Variants in RPS7 observed in about 807,000 individuals in gnomAD.
The protein encoded by RPS7 is ribosomal protein S7.
In RPS7, 1 loss-of-function variant was observed where a neutral mutation model predicts 22.1. That is an observed-to-expected ratio of 0.05 (90% CI 0.02 to 0.21). The LOEUF (loss-of-function observed/expected upper bound fraction) is 0.21. Ranked by LOEUF, RPS7 falls within the 10% of genes least tolerant of loss-of-function variation. The pLI is 1.00. For missense variants in RPS7, 137 were observed against 246.4 expected (o/e 0.56, Z 2.97); for synonymous variants, 80 against 92.0 (o/e 0.87, Z 0.74).
At chr2:3,576,864 C>G in intron 4 of RPS7, 1 of 587,560 alleles carries the variant, frequency 1.7e-6, no homozygotes, top group South Asian at 1.9e-5. Flanking sequence ...AAGACCCTGT[C>G]TACAAAAAAT....
intron 3 of RPS7, 86 bp from the exon 4 acceptor site, chr2:3,576,401 T>G: frequency 8.7e-7 from 1 of 1,151,666 alleles, no homozygotes; most frequent in Non-Finnish European, 1.3e-6. Context: ...ACGGTGTTAG[T>G]GATAAGGTCT....
chr2:3,578,131 C>T (rs933371711), intron 5 of RPS7: 1 of 197,368 alleles, frequency 5.1e-6, no homozygotes, highest in Non-Finnish European at 1.0e-5. Flanking sequence ...TTTATTTTTG[C>T]TGTGGATTGG....
chr2:3,576,419 C>T (rs1661281288), intron 3 of RPS7, 68 bp from the exon 4 acceptor site: 12 of 1,407,840 alleles, frequency 8.5e-6, no homozygotes, highest in East Asian at 2.3e-5. Flanking sequence ...TCTTCTTATC[C>T]TCTAATTTGA....
In RPS7 at chr2:3,578,191, A is replaced by T. The variant is rs1244909916; in HGVS notation, c.356+417A>T. On this transcript the variant is annotated intron_variant, in intron 5 of 6. Transcript: ENST00000645674. Reference sequence around the variant, plus strand: ...TGGTGATAACATCACAGGTTAAAATATCACTGCAGTTGAAGATGCTGATGG... The same window carrying T: ...TGGTGATAACATCACAGGTTAAAATTTCACTGCAGTTGAAGATGCTGATGG... 4.8e-5 allele frequency: 8 copies of T among 167,264 alleles called. No individual in the cohort carries two copies. In the East Asian group the frequency reaches 1.4e-3, roughly 29 times the overall value. 10.4% of individuals were successfully genotyped at this position (167,264 alleles called of 1,614,324 possible). A position where few individuals can be genotyped will look rare whatever the true frequency, so the allele number is the denominator to read the frequency against.
chr2:3,575,333 A>C lies in RPS7; in HGVS notation c.-36A>C, dbSNP rs17552296. 3.7e-3 allele frequency: 1,900 copies of C among 518,348 alleles called. 54 individuals carry two copies. In the East Asian group the frequency reaches 0.059, roughly 16 times the overall value. The allele number at this position is 518,348 out of a possible 1,614,324, so 32.1% of individuals were successfully genotyped here. On this transcript the variant is annotated 5_prime_UTR_variant, in exon 1 of 7. Coordinates refer to ENST00000645674, the MANE Select transcript of RPS7 (RefSeq NM_001011.4). The stretch of plus-strand genomic sequence containing the variant: ...TCTCGCGAGATTTGGGTCTCTTCCT[A>C]AGCCGGCGCTCGGCAAGGTAGGTTG...
At chr2:3,576,383 G>T in intron 3 of RPS7, 104 bp from the exon 4 acceptor site, 2 of 963,180 alleles carry the variant, frequency 2.1e-6, no homozygotes, top group Non-Finnish European at 3.4e-6. Flanking sequence ...TTAGTTTGTA[G>T]TGCAGCTACG....
Position 3,575,843 on chromosome 2 carries a change from G to A in RPS7, c.102G>A (p.Ser34=), listed in dbSNP as rs754617897. The change falls in exon 3 of 7, where the codon TCG becomes TCA. Residue 34 remains serine (S), a synonymous_variant. Transcript: ENST00000645674. The stretch of plus-strand genomic sequence containing the variant: ...CTCTTCTGGAGCTGGAGATGAACTC[G>A]GACCTCAAGGCTCAGCTCAGGGAGC... ...SQALLELEMN[S]DLKAQLRELN... is the part of the protein sequence containing the mutation. The A allele has an allele frequency of 3.5e-5, 56 of 1,611,936 alleles. No homozygotes were observed. In the Admixed American group the frequency reaches 5.7e-4, roughly 16 times the overall value.
In RPS7 at chr2:3,575,885, T is replaced by G. The variant is rs772500145; in HGVS notation, c.144T>G (p.Ala48=). 3 of 1,606,336 alleles carry G rather than the reference T, an allele frequency of 1.9e-6. No individual in the cohort carries two copies. ...AQLRELNITA[A]KEIEVGGGRK... ...TCAGGGAGCTGAATATTACGGCAGC[T>G]AAGGTAAGCTGGCGCTCCCTCGGCT... Residue 48 remains alanine (A), a synonymous_variant, in exon 3 of 7, where the codon GCT becomes GCG. Coordinates refer to ENST00000645674, the MANE Select transcript of RPS7 (RefSeq NM_001011.4).
intron 4 of RPS7, 24 bp from the exon 5 acceptor site, chr2:3,577,686 T>C: frequency 6.4e-7 from 1 of 1,564,680 alleles, no homozygotes; most frequent in Non-Finnish European, 8.8e-7. Flanking sequence ...TTCATTTTGT[T>C]ACATGATAAT....
At chr2:3,580,315 T>C (rs1376621148) in intron 6 of RPS7, 55 bp downstream of exon 6, 1 of 1,520,618 alleles carries the variant, frequency 6.6e-7, no homozygotes, top group East Asian at 2.3e-5. Context: ...GAGTGGATTT[T>C]AGTGTAACCA....
intron 1 of RPS7, 78 bp from the exon 2 acceptor site, chr2:3,575,514 G>C: frequency 3.1e-6 from 3 of 977,882 alleles, no homozygotes; most frequent in Non-Finnish European, 4.8e-6. Context: ...GCGGGGCCTG[G>C]CCGGGGGGTG....
chr2:3,580,197 A>G lies in RPS7; in HGVS notation c.444A>G (p.Leu148=), dbSNP rs756052696. 6 of 1,613,616 alleles carry G rather than the reference A, an allele frequency of 3.7e-6. No individual in the cohort carries two copies. Among genetic ancestry groups the G allele is most frequent in the South Asian group, 2.2e-5 (2 of 91,056 alleles). ...TGGGCAAGAGAATCCGCGTCAAACT[A>G]GATGGCAGCCGGCTCATAAAGGTTC... is the stretch of plus-strand genomic sequence containing the variant. The part of the protein sequence containing the change: ...EIVGKRIRVK[L]DGSRLIKVHL... The change falls in exon 6 of 7, where the codon CTA becomes CTG. Residue 148 remains leucine (L), a synonymous_variant. Transcript: ENST00000645674.
At chr2:3,576,103 G>T (rs1476233924) in intron 3 of RPS7, 2 of 616,842 alleles carry the variant, frequency 3.2e-6, no homozygotes, top group Admixed American at 5.6e-5. Flanking sequence ...ACATGCGGGC[G>T]GTGGAGAAAC....
chr2:3,578,035 G>A (rs1472909717), intron 5 of RPS7: 3 of 484,514 alleles, frequency 6.2e-6, no homozygotes, highest in Admixed American at 3.8e-5. Context: ...GCACAGGATA[G>A]GAATGATGAG....
intron 1 of RPS7, 108 bp from the exon 2 acceptor site, chr2:3,575,484 C>G: frequency 1.3e-6 from 1 of 741,552 alleles, no homozygotes; most frequent in Non-Finnish European, 2.3e-6. Context: ...CTGTGCTTTC[C>G]GATGGCTTCT....
At chr2:3,576,213 C>G (rs1558472254) in intron 3 of RPS7, 3 of 594,790 alleles carry the variant, frequency 5.0e-6, no homozygotes, top group Non-Finnish European at 8.9e-6. Context: ...GAGATTCTCT[C>G]TACCCTTAGC....
intron 5 of RPS7, 180 bp downstream of exon 5, chr2:3,577,954 T>C (rs1661322239): frequency 4.9e-6 from 3 of 608,182 alleles, no homozygotes; most frequent in Non-Finnish European, 2.9e-6. Flanking sequence ...CATACATGTA[T>C]TCATGTAGCC....
At chr2:3,580,061 C>T in intron 5 of RPS7, 49 bp from the exon 6 acceptor site, 1 of 1,602,814 alleles carries the variant, frequency 6.2e-7, no homozygotes, top group Non-Finnish European at 8.5e-7. Flanking sequence ...TGGAGTTGCC[C>T]AGAGGGCAGG....
Position 3,576,569 on chromosome 2 carries a change from T to C in RPS7, c.230T>C (p.Val77Ala), listed in dbSNP as rs1434358594. The change falls in exon 4 of 7, where the codon GTC becomes GCC. Residue 77 changes from valine to alanine, a missense_variant. By Grantham distance (64) the Val-to-Ala change is moderately conservative (BLOSUM62 0). Around this residue, in one of 2 missense-constraint regions of RPS7, gnomAD observed 74 missense variants for 171.4 expected, o/e 0.43. Coordinates refer to ENST00000645674, the MANE Select transcript of RPS7 (RefSeq NM_001011.4). ...PQLKSFQKIQ[V>A]RLVRELEKKF... Reference sequence around the variant, plus strand: ...CTGAAATCTTTCCAGAAAATCCAAGTCCGGCTAGTACGCGAATTGGAGAAA... The same window carrying C: ...CTGAAATCTTTCCAGAAAATCCAAGCCCGGCTAGTACGCGAATTGGAGAAA... 3.7e-6 allele frequency: 6 copies of C among 1,614,004 alleles called. No individual in the cohort carries two copies. The highest frequency in any genetic ancestry group is 3.3e-5 in the Admixed American group (2 of 60,002).
Sources: gnomAD v4.1 joint callset for allele counts on GRCh38, gnomAD v4.1.1 for gene constraint, gnomAD v4.1.1 regional missense constraint, MANE v1.5 for transcripts, NCBI Gene and HGNC (gene_info 2026-07-23, HGNC 2026-07-21) for gene names.